The following KLHL29 variants were observed in gnomAD, a reference collection of about 807,000 sequenced individuals.
KLHL29 encodes the protein kelch-like protein 29.
KLHL29 carries 21 observed loss-of-function variants against 80.4 expected under a neutral mutation model. The observed-to-expected ratio is 0.26, with a 90% CI of 0.19 to 0.38. The LOEUF is 0.38. KLHL29 is among the 10% of genes least tolerant of loss of function. KLHL29 has a pLI of 1.00. For missense variants in KLHL29, 867 were observed against 1,223.9 expected (o/e 0.71, Z 4.35); for synonymous variants, 511 against 526.8 (o/e 0.97, Z 0.41).
chr2:23,679,635 C>T (rs1671020595), intron 5 of KLHL29, among the ~76,000 whole-genome samples: 1 of 142,772 alleles, frequency 7.0e-6, no homozygotes, highest in African/African-American at 2.5e-5. Context: ...TATGCCAGGC[C>T]CTGTGCTGAG....
intron 3 of KLHL29, among the ~76,000 whole-genome samples, chr2:23,588,783 G>C (rs943284847): frequency 6.6e-6 from 1 of 152,232 alleles, no homozygotes; most frequent in African/African-American, 2.4e-5. Context: ...CAGAGAAGAG[G>C]CAGAGTGAAA....
At chr2:23,686,035 A>G (rs1409274848) in intron 6 of KLHL29, among the ~76,000 whole-genome samples, 1 of 152,174 alleles carries the variant, frequency 6.6e-6, no homozygotes, top group Non-Finnish European at 1.5e-5. Context: ...AGACTTGCAC[A>G]CAACAGAGAA....
chr2:23,674,457 T>G (rs1375433055), intron 5 of KLHL29, among the ~76,000 whole-genome samples: 2 of 152,122 alleles, frequency 1.3e-5, no homozygotes, highest in African/African-American at 4.8e-5. Flanking sequence ...CATTCTGCCC[T>G]GACCCCAGGG....
chr2:23,562,858 G>T lies in KLHL29; in HGVS notation c.285+377G>T, dbSNP rs1667487159. Among the ~76,000 whole-genome samples, 1 of 152,144 alleles carries T rather than the reference G, an allele frequency of 6.6e-6. No homozygotes were observed. The highest frequency in any genetic ancestry group is 2.1e-4 in the South Asian group (1 of 4,826). ...ATCCCTGGGGGTGCCAGTAACTTGG[G>T]TGTGCAAGAAGATACTGACAAGCAG... On this transcript the variant is annotated intron_variant, in intron 3 of 13. Transcript: ENST00000486442. This position sits in a 1 kb window ranked among gnomAD's most constrained non-coding sequence, Gnocchi z 4.5.
At chr2:23,397,515 C>G (rs1209026576) in intron 1 of KLHL29, among the ~76,000 whole-genome samples, 2 of 152,230 alleles carry the variant, frequency 1.3e-5, no homozygotes, top group Non-Finnish European at 2.9e-5. Context: ...TCCCGAATGC[C>G]TGGTCTCCGG....
At chr2:23,648,929 C>G (rs762782395) in intron 5 of KLHL29, among the ~76,000 whole-genome samples, 1 of 152,218 alleles carries the variant, frequency 6.6e-6, no homozygotes, top group African/African-American at 2.4e-5. Context: ...GTTTCCACAT[C>G]TGTAACTTGG....
intron 1 of KLHL29, among the ~76,000 whole-genome samples, chr2:23,428,938 A>G (rs1448469329): frequency 6.6e-6 from 1 of 152,182 alleles, no homozygotes; most frequent in African/African-American, 2.4e-5. Flanking sequence ...CTCTCAGCCC[A>G]GGTTAAGCGA....
intron 1 of KLHL29, among the ~76,000 whole-genome samples, chr2:23,404,514 C>G (rs1297152489): frequency 6.6e-6 from 1 of 152,148 alleles, no homozygotes; most frequent in African/African-American, 2.4e-5. Context: ...CTGGAATAAC[C>G]ACATTTTCAG....
chr2:23,666,744 A>G (rs1007195), intron 5 of KLHL29, among the ~76,000 whole-genome samples: 121,693 of 152,222 alleles, frequency 0.8, 50,988 homozygotes, highest in East Asian at 0.99. Context: ...GGCAGACAGC[A>G]CATGTGGAGC....
At chr2:23,470,857 A>G (rs948899526) in intron 1 of KLHL29, among the ~76,000 whole-genome samples, 2 of 152,206 alleles carry the variant, frequency 1.3e-5, no homozygotes, top group Admixed American at 1.3e-4. Context: ...ACTGTCGTGA[A>G]CCTGATGGAT....
intron 1 of KLHL29, among the ~76,000 whole-genome samples, chr2:23,447,019 C>T (rs1663715329): frequency 1.3e-5 from 2 of 152,160 alleles, no homozygotes; most frequent in African/African-American, 4.8e-5. Flanking sequence ...TCCTTTAAAT[C>T]TAATCGTTTT....
At chr2:23,529,997 G>A (rs573422248) in intron 2 of KLHL29, among the ~76,000 whole-genome samples, 17 of 151,564 alleles carry the variant, frequency 1.1e-4, no homozygotes, top group East Asian at 1.9e-4. Flanking sequence ...GCTCAGCTGC[G>A]GCACTTCAGT....
intron 1 of KLHL29, among the ~76,000 whole-genome samples, chr2:23,428,398 A>G (rs1222036725): frequency 6.6e-6 from 1 of 152,120 alleles, no homozygotes; most frequent in East Asian, 1.9e-4. Flanking sequence ...AGTTTCCCTC[A>G]ACTTCTATCC....
intron 13 of KLHL29, among the ~76,000 whole-genome samples, chr2:23,704,892 T>TA (rs1357046623): frequency 1.3e-5 from 2 of 152,226 alleles, no homozygotes; most frequent in African/African-American, 4.8e-5. Flanking sequence ...ATGAAGTACT[T>TA]AGAGTGCCCA....
rs546850125 is a variant in KLHL29 at position 23,562,542 on chromosome 2, C to T, written c.285+61C>T. On this transcript the variant is annotated intron_variant, in intron 3 of 13. Transcript: ENST00000486442. This position sits in a 1 kb window ranked among gnomAD's most constrained non-coding sequence, Gnocchi z 4.5. ...CAGAGGGGCCCTGCCTCCCTGCAGG[C>T]TCAGGCCAGCCCCACAGGCTCCTGT... 9.6e-5 allele frequency: 145 copies of T among 1,502,856 alleles called. No individual in the cohort carries two copies. In the South Asian group the frequency reaches 1.7e-3, roughly 17 times the overall value. 93.1% of individuals were successfully genotyped at this position (1,502,856 alleles called of 1,614,324 possible). A position where few individuals can be genotyped will look rare whatever the true frequency, so the allele number is the denominator to read the frequency against.
chr2:23,516,913 G>A (rs969714518), intron 2 of KLHL29, among the ~76,000 whole-genome samples: 6 of 152,220 alleles, frequency 3.9e-5, no homozygotes, highest in Admixed American at 2.0e-4. Flanking sequence ...TGCGTGTGGT[G>A]TCCCGCCAGC....
chr2:23,615,891 C>T (rs1668991994), intron 3 of KLHL29, among the ~76,000 whole-genome samples: 2 of 152,142 alleles, frequency 1.3e-5, no homozygotes, highest in Non-Finnish European at 2.9e-5. Flanking sequence ...TATGTCTGTC[C>T]CCTGTCAGAT....
chr2:23,669,903 A>C lies in KLHL29; in HGVS notation c.941-14496A>C, dbSNP rs1457648331. 6.6e-6 allele frequency among the ~76,000 whole-genome samples: 1 copy of C among 152,122 alleles called. No homozygotes were observed. Among genetic ancestry groups the C allele is most frequent in the African/African-American group, 2.4e-5 (1 of 41,412 alleles). Reference sequence around the variant, plus strand: ...TCTGGTAGGTTCTGCTTCCAAGAAAAACAGACTGTCAAGTTAAATACATGT... The same window carrying C: ...TCTGGTAGGTTCTGCTTCCAAGAAACACAGACTGTCAAGTTAAATACATGT... On this transcript the variant is annotated intron_variant, in intron 5 of 13. Coordinates refer to ENST00000486442, the MANE Select transcript of KLHL29 (RefSeq NM_052920.2). The surrounding 1 kb of genome is among the most constrained non-coding windows in gnomAD (Gnocchi z 4.3).
chr2:23,656,648 C>CTG (rs1367991539), intron 5 of KLHL29, among the ~76,000 whole-genome samples: 1 of 152,212 alleles, frequency 6.6e-6, no homozygotes, highest in Non-Finnish European at 1.5e-5. Flanking sequence ...TCCGGTCTGT[C>CTG]TGTGATGCCC....
Sources: gnomAD v4.1 joint callset for allele counts (sites outside exome capture counted in the v4.1 genomes callset) on GRCh38, gnomAD v4.1.1 for gene constraint, Gnocchi (gnomAD v3.1) non-coding constraint, MANE v1.5 for transcripts, NCBI Gene and HGNC (gene_info 2026-07-23, HGNC 2026-07-21) for gene names.